Variants in PPHLN1 observed in about 807,000 individuals in gnomAD.
PPHLN1 encodes the protein periphilin-1.
A neutral mutation model predicts 51.3 loss-of-function variants in PPHLN1; 29 were observed. That is an observed-to-expected ratio of 0.57 (90% CI 0.42 to 0.77). PPHLN1 has a LOEUF of 0.77. Among genes scored for constraint, PPHLN1 ranks in the 30% least tolerant of loss-of-function variants. The pLI is 0.00. For synonymous variants in PPHLN1, 147 were observed against 147.8 expected, an observed-to-expected ratio of 0.99 and a Z score of 0.04; for missense variants, 436 against 438.4, an observed-to-expected ratio of 0.99 and a Z score of 0.05.
intron 2 of PPHLN1, among the ~76,000 whole-genome samples, chr12:42,351,104 A>G (rs2073293349): frequency 6.6e-6 from 1 of 152,088 alleles, no homozygotes; most frequent in Non-Finnish European, 1.5e-5. Context: ...TTTTTTTAAC[A>G]TATATCTCAT....
At chr12:42,432,035 C>T (rs1592986014) in intron 9 of PPHLN1, 3 of 1,548,264 alleles carry the variant, frequency 1.9e-6, no homozygotes, top group East Asian at 4.5e-5. Context: ...GATCTTTGGG[C>T]ACAGAACTGA....
At chr12:42,435,192 A>G (rs1794694380) in intron 9 of PPHLN1, among the ~76,000 whole-genome samples, 2 of 152,242 alleles carry the variant, frequency 1.3e-5, no homozygotes, top group Non-Finnish European at 2.9e-5. Context: ...TGAATTCTAT[A>G]TATTTATAAA....
At chr12:42,384,763 C>T (rs539124437) in intron 5 of PPHLN1, among the ~76,000 whole-genome samples, 177 bp from the exon 6 acceptor site, 1 of 152,100 alleles carries the variant, frequency 6.6e-6, no homozygotes, top group Non-Finnish European at 1.5e-5. Context: ...TATTTATTCC[C>T]CTTCACTGGT....
At chr12:42,427,942 C>CT in intron 9 of PPHLN1, among the ~76,000 whole-genome samples, 1 of 152,010 alleles carries the variant, frequency 6.6e-6, no homozygotes, top group East Asian at 1.9e-4. Context: ...AAAAAGTGGG[C>CT]TAAGGACATG....
At chr12:42,376,006 CTT>C (rs1336815595) in intron 5 of PPHLN1, among the ~76,000 whole-genome samples, 2 of 152,146 alleles carry the variant, frequency 1.3e-5, no homozygotes, top group Admixed American at 6.5e-5. Flanking sequence ...TTATATATAA[CTT>C]TGATACAATA....
chr12:42,344,939 G>A (rs1288575057), intron 2 of PPHLN1, among the ~76,000 whole-genome samples: 1 of 151,820 alleles, frequency 6.6e-6, no homozygotes, highest in South Asian at 2.1e-4. Flanking sequence ...CGAATTCCTG[G>A]CCTCAAACTG....
intron 4 of PPHLN1, among the ~76,000 whole-genome samples, chr12:42,364,648 A>G (rs555840924): frequency 4.6e-5 from 7 of 152,216 alleles, no homozygotes; most frequent in African/African-American, 1.7e-4. Context: ...AAGGCCAGGC[A>G]GGTGGCTCAT....
chr12:42,358,841 T>G (rs1353492832), intron 4 of PPHLN1, among the ~76,000 whole-genome samples: 1 of 152,106 alleles, frequency 6.6e-6, no homozygotes, highest in Non-Finnish European at 1.5e-5. Context: ...AAATAGTACT[T>G]TAGTTTTTAC....
chr12:42,411,782 G>A (rs2079856188), intron 9 of PPHLN1, among the ~76,000 whole-genome samples: 2 of 150,170 alleles, frequency 1.3e-5, no homozygotes, highest in African/African-American at 2.4e-5. Context: ...GTGCATGCCT[G>A]TAGTCTCAGC....
chr12:42,405,675 G>T (rs1030039657), intron 9 of PPHLN1, among the ~76,000 whole-genome samples: 1 of 152,064 alleles, frequency 6.6e-6, no homozygotes, highest in East Asian at 1.9e-4. Context: ...TTATTTACAT[G>T]AGTTAGCTGG....
At chr12:42,380,898 A>G (rs721447) in intron 5 of PPHLN1, among the ~76,000 whole-genome samples, 45,093 of 152,070 alleles carry the variant, frequency 0.3, 7,758 homozygotes, top group Non-Finnish European at 0.38. Flanking sequence ...ATCAACAAAC[A>G]TATATTGAAC....
At chr12:42,431,528 TC>T in intron 9 of PPHLN1, 1 of 558,806 alleles carries the variant, frequency 1.8e-6, no homozygotes, top group African/African-American at 1.9e-5. Flanking sequence ...TCAGGATCCC[TC>T]CCCTTTTTGA....
At chr12:42,371,121 T>G (rs904667035) in intron 4 of PPHLN1, among the ~76,000 whole-genome samples, 1,417 of 136,084 alleles carry the variant, frequency 0.01, 82 homozygotes, top group Admixed American at 0.095. Flanking sequence ...GTTTTTTTTT[T>G]TTTTTTTTTT....
intron 7 of PPHLN1, among the ~76,000 whole-genome samples, chr12:42,389,111 G>A (rs1174449383): frequency 6.6e-6 from 1 of 152,112 alleles, no homozygotes; most frequent in Admixed American, 6.5e-5. Flanking sequence ...GGTGGCTCAT[G>A]TCCGTAATCC....
intron 4 of PPHLN1, among the ~76,000 whole-genome samples, chr12:42,362,904 C>T (rs2074854105): frequency 6.6e-6 from 1 of 152,136 alleles, no homozygotes. Context: ...TCTTGAAGGC[C>T]AGAGTAATGT....
intron 9 of PPHLN1, among the ~76,000 whole-genome samples, chr12:42,431,292 A>T (rs542465417): frequency 6.6e-6 from 1 of 152,366 alleles, no homozygotes; most frequent in East Asian, 1.9e-4. Flanking sequence ...CAGATGAAGA[A>T]GTGGTTGCAT....
intron 1 of PPHLN1, among the ~76,000 whole-genome samples, chr12:42,328,271 A>C: frequency 6.6e-6 from 1 of 152,234 alleles, no homozygotes; most frequent in East Asian, 1.9e-4. Flanking sequence ...AACAGGCATA[A>C]TTATATGCTT....
chr12:42,384,017 A>G (rs2076987289), intron 5 of PPHLN1, among the ~76,000 whole-genome samples: 1 of 149,232 alleles, frequency 6.7e-6, no homozygotes, highest in Admixed American at 6.7e-5. Context: ...AAAAAGCAAG[A>G]ATCAAGAATA....
At position 42,441,919 on chromosome 12, in the gene PPHLN1, G is replaced by T; in HGVS notation, c.*410G>T. 1 of 974,598 alleles carries T rather than the reference G, an allele frequency of 1.0e-6. No homozygotes were observed. 60.4% of individuals were successfully genotyped at this position (974,598 alleles called of 1,614,324 possible). On this transcript the variant is annotated 3_prime_UTR_variant, in exon 10 of 10. Coordinates refer to ENST00000358314, the MANE Select transcript of PPHLN1 (RefSeq NM_201439.2). ...GCTTTGTAACTTGTAATATGTTAAA[G>T]TGTACTATCCTAATAAACTGAATAC...
Sources: gnomAD v4.1 joint callset for allele counts (sites outside exome capture counted in the v4.1 genomes callset) on GRCh38, gnomAD v4.1.1 for gene constraint, MANE v1.5 for transcripts, NCBI Gene and HGNC (gene_info 2026-07-23, HGNC 2026-07-21) for gene names.